The following DNAJC5B variants were observed in gnomAD, a reference collection of about 807,000 sequenced individuals.
The protein encoded by DNAJC5B is dnaJ homolog subfamily C member 5B.
In DNAJC5B, 23 loss-of-function variants were observed where a neutral mutation model predicts 24.7. That is an observed-to-expected ratio of 0.93 (90% CI 0.67 to 1.32). The LOEUF (loss-of-function observed/expected upper bound fraction) is 1.32. Among genes scored for constraint, DNAJC5B ranks in the 40% most tolerant of loss-of-function variants. The pLI, the probability that DNAJC5B is intolerant of heterozygous loss-of-function variation, is 0.00. For synonymous variants in DNAJC5B, 101 were observed against 90.1 expected (o/e 1.12, Z -0.68); for missense variants, 238 against 240.8 (o/e 0.99, Z 0.08).
chr8:66,079,355 A>C (rs1807540795), intron 4 of DNAJC5B, among the ~76,000 whole-genome samples: 5 of 152,212 alleles, frequency 3.3e-5, no homozygotes, highest in Admixed American at 2.6e-4. Context: ...GTCCAAACTG[A>C]TCAATGTTCT....
chr8:66,080,410 T>C lies in DNAJC5B; in HGVS notation c.367T>C (p.Cys123Arg), dbSNP rs762414366. ...LFVIVGLLTG[C>R]YFCCCLCCCC... ...TGTCATCGTTGGCCTCTTGACGGGC[T>C]GCTACTTTTGCTGCTGCCTGTGCTG... Residue 123 changes from cysteine (C) to arginine (R), a missense_variant, in exon 5 of 6, where the codon TGC becomes CGC. Coordinates refer to ENST00000276570, the MANE Select transcript of DNAJC5B (RefSeq NM_033105.6). 4.3e-6 allele frequency: 7 copies of C among 1,613,846 alleles called. No homozygotes were observed. In the African/African-American group the frequency reaches 8.0e-5, roughly 18 times the overall value.
At chr8:66,058,097 T>C (rs572083237) in intron 3 of DNAJC5B, 1 of 152,378 alleles carries the variant, frequency 6.6e-6, no homozygotes, top group East Asian at 1.9e-4. Context: ...TAGCCTGTAC[T>C]TTGTATTCCC....
intron 1 of DNAJC5B, among the ~76,000 whole-genome samples, chr8:66,032,428 G>A (rs543168602): frequency 2.6e-4 from 39 of 152,342 alleles, no homozygotes; most frequent in African/African-American, 5.5e-4. Context: ...TGAAAGCTAC[G>A]TGCTCGTGCT....
chr8:66,067,643 C>T (rs972720795), intron 3 of DNAJC5B, among the ~76,000 whole-genome samples: 27 of 152,100 alleles, frequency 1.8e-4, no homozygotes, highest in Non-Finnish European at 3.4e-4. Context: ...ATTTAACTAC[C>T]CCAAGACCAT....
intron 1 of DNAJC5B, among the ~76,000 whole-genome samples, chr8:66,024,024 G>C (rs990470071): frequency 1.3e-5 from 2 of 152,166 alleles, no homozygotes; most frequent in Admixed American, 6.5e-5. Flanking sequence ...AATATAAATA[G>C]AGACCTAACT....
At chr8:66,078,269 A>G (rs1230485427) in intron 4 of DNAJC5B, among the ~76,000 whole-genome samples, 1 of 152,218 alleles carries the variant, frequency 6.6e-6, no homozygotes, top group Admixed American at 6.5e-5. Flanking sequence ...TTCTTTAAAC[A>G]TAAGACCACA....
rs538794635 is a variant in DNAJC5B, at chr8:66,037,333, G to C, written c.-141-6155G>C. ...CTCCTAAAAGGCTCTGGAAGGAGCA[G>C]GAGCAGAGCTACTGAGGGCATGAGA... On this transcript the variant is annotated intron_variant, in intron 1 of 5. Coordinates refer to ENST00000276570, the MANE Select transcript of DNAJC5B (RefSeq NM_033105.6). Among the ~76,000 whole-genome samples the C allele has an allele frequency of 1.6e-3, 246 of 152,324 alleles. 5 individuals are homozygous for C. In the South Asian group the frequency reaches 0.049, roughly 31 times the overall value.
chr8:66,076,921 T>C, intron 4 of DNAJC5B, 48 bp downstream of exon 4: 1 of 1,596,100 alleles, frequency 6.3e-7, no homozygotes. Flanking sequence ...GACCATGATA[T>C]TAATCACTCT....
At chr8:66,095,322 A>G (rs189598164) in intron 5 of DNAJC5B, among the ~76,000 whole-genome samples, 22 of 152,002 alleles carry the variant, frequency 1.4e-4, no homozygotes, top group Admixed American at 1.4e-3. Flanking sequence ...TTTCTTCAAG[A>G]TTTCCTCTTA....
At chr8:66,080,099 C>G (rs911258439) in intron 4 of DNAJC5B, among the ~76,000 whole-genome samples, 10 of 152,062 alleles carry the variant, frequency 6.6e-5, no homozygotes, top group Admixed American at 2.0e-4. Flanking sequence ...CACCATATAG[C>G]TTAAGAATAA....
intron 3 of DNAJC5B, chr8:66,056,618 A>G (rs1806968131): frequency 6.6e-6 from 1 of 152,266 alleles, no homozygotes; most frequent in South Asian, 2.1e-4. Flanking sequence ...CACTCACAAA[A>G]GTAGGCTAGA....
At chr8:66,064,591 G>A (rs1026990810) in intron 3 of DNAJC5B, among the ~76,000 whole-genome samples, 3 of 152,166 alleles carry the variant, frequency 2.0e-5, no homozygotes, top group African/African-American at 7.2e-5. Context: ...TTTTCCCCCA[G>A]GAAACATAAT....
intron 3 of DNAJC5B, among the ~76,000 whole-genome samples, chr8:66,075,568 A>G (rs1251979248): frequency 6.6e-6 from 1 of 152,256 alleles, no homozygotes; most frequent in Non-Finnish European, 1.5e-5. Flanking sequence ...AAGAATTTAT[A>G]AATACCCCAG....
At chr8:66,075,946 G>T (rs890468066) in intron 3 of DNAJC5B, among the ~76,000 whole-genome samples, 1 of 152,186 alleles carries the variant, frequency 6.6e-6, no homozygotes, top group African/African-American at 2.4e-5. Context: ...CTACATAGAC[G>T]TATGATAGGC....
intron 3 of DNAJC5B, among the ~76,000 whole-genome samples, chr8:66,063,730 G>C (rs1807132164): frequency 6.6e-6 from 1 of 152,076 alleles, no homozygotes; most frequent in Non-Finnish European, 1.5e-5. Flanking sequence ...TATCTATTTA[G>C]TATTGGATAA....
intron 3 of DNAJC5B, among the ~76,000 whole-genome samples, chr8:66,068,746 A>AAGTAAAATAAAG (rs1185954259): frequency 6.6e-6 from 1 of 152,094 alleles, no homozygotes; most frequent in Non-Finnish European, 1.5e-5. Flanking sequence ...CAATAAAAGC[A>AAGTAAAATAAAG]AGTAAAATAA....
intron 3 of DNAJC5B, among the ~76,000 whole-genome samples, chr8:66,072,070 G>A (rs1035571088): frequency 6.6e-6 from 1 of 151,372 alleles, no homozygotes; most frequent in Admixed American, 6.6e-5. Context: ...GGTAGGGGAG[G>A]GATAACATTA....
At chr8:66,041,443 T>C (rs1806605851) in intron 1 of DNAJC5B, among the ~76,000 whole-genome samples, 1 of 152,278 alleles carries the variant, frequency 6.6e-6, no homozygotes, top group South Asian at 2.1e-4. Flanking sequence ...CCTAACCATA[T>C]GTGGCAATTG....
intron 3 of DNAJC5B, among the ~76,000 whole-genome samples, chr8:66,072,529 T>G (rs1287241577): frequency 6.6e-6 from 1 of 152,154 alleles, no homozygotes; most frequent in African/African-American, 2.4e-5. Context: ...TTTAAAGGAT[T>G]TCAATCATAC....
Sources: allele counts gnomAD v4.1 joint callset (sites outside exome capture counted in the v4.1 genomes callset), GRCh38; gene constraint gnomAD v4.1.1; transcripts MANE v1.5; gene names NCBI Gene and HGNC (gene_info 2026-07-23, HGNC 2026-07-21).